MEF2A: variants seen among roughly 807,000 people sequenced by gnomAD.
The protein encoded by MEF2A is myocyte-specific enhancer factor 2A.
MEF2A carries 28 observed loss-of-function variants against 55.8 expected under a neutral mutation model. The observed-to-expected ratio is 0.50, with a 90% CI of 0.37 to 0.69. The LOEUF is 0.69. Among genes scored for constraint, MEF2A ranks in the 30% least tolerant of loss-of-function variants. MEF2A has a pLI of 0.00. For synonymous variants in MEF2A, 239 were observed against 227.1 expected, an observed-to-expected ratio of 1.05 and a Z score of -0.47; for missense variants, 528 against 626.2, an observed-to-expected ratio of 0.84 and a Z score of 1.67.
At chr15:99,679,690 C>T (rs982224479) in intron 7 of MEF2A, among the ~76,000 whole-genome samples, 1 of 152,082 alleles carries the variant, frequency 6.6e-6, no homozygotes, top group Non-Finnish European at 1.5e-5. Flanking sequence ...ATGGTGGTTA[C>T]GTGGATCTTC....
Position 99,629,896 on chromosome 15 carries a change from C to T in MEF2A, c.-142-3082C>T, listed in dbSNP as rs567894451. 4.0e-5 allele frequency among the ~76,000 whole-genome samples: 6 copies of T among 151,860 alleles called. No individual in the cohort carries two copies. The South Asian group carries it at 1.2e-3, about 32-fold the overall frequency. On this transcript the variant is annotated intron_variant, in intron 2 of 11. Transcript: ENST00000557942. Reference sequence around the variant, plus strand: ...CGGAAGTTGCAGTGAGCCGAGATCACGCCACTGCACTCCAGCCTGGGTGAC... The same window carrying T: ...CGGAAGTTGCAGTGAGCCGAGATCATGCCACTGCACTCCAGCCTGGGTGAC...
chr15:99,704,505 A>T (rs1429070065), intron 9 of MEF2A, among the ~76,000 whole-genome samples: 1 of 152,250 alleles, frequency 6.6e-6, no homozygotes, highest in African/African-American at 2.4e-5. Flanking sequence ...GTTAGACCTC[A>T]CTGTTCAAGG....
chr15:99,654,572 T>TA (rs975779378), intron 4 of MEF2A, among the ~76,000 whole-genome samples: 8 of 124,150 alleles, frequency 6.4e-5, no homozygotes, highest in South Asian at 2.7e-4. Flanking sequence ...AAAAATAAAT[T>TA]AAAAAAAAAG....
At chr15:99,625,804 C>T (rs1035630266) in intron 2 of MEF2A, among the ~76,000 whole-genome samples, 13 of 151,894 alleles carry the variant, frequency 8.6e-5, no homozygotes, top group East Asian at 1.9e-4. Context: ...AACATCCTTG[C>T]GTTGCAGGAA....
intron 2 of MEF2A, among the ~76,000 whole-genome samples, chr15:99,616,558 A>C (rs771187409): frequency 6.6e-6 from 1 of 152,240 alleles, no homozygotes; most frequent in Non-Finnish European, 1.5e-5. Context: ...ACTAAAAATT[A>C]ATAAGAGGCA....
intron 7 of MEF2A, 35 bp from the exon 8 acceptor site, chr15:99,690,206 C>T (rs771454507): frequency 6.3e-7 from 1 of 1,590,236 alleles, no homozygotes; most frequent in South Asian, 1.1e-5. Flanking sequence ...TTTAATAACT[C>T]TTCTCACTTT....
At chr15:99,657,538 G>A (rs573781499) in intron 4 of MEF2A, 3 of 151,834 alleles carry the variant, frequency 2.0e-5, no homozygotes, top group Admixed American at 6.6e-5. Flanking sequence ...TTTAAGAGAA[G>A]GTAAGAACAT....
chr15:99,619,876 T>G (rs1236772890), intron 2 of MEF2A, among the ~76,000 whole-genome samples: 1 of 152,240 alleles, frequency 6.6e-6, no homozygotes, highest in African/African-American at 2.4e-5. Context: ...ATGTAGGTTT[T>G]CTCACTTGGC....
At chr15:99,694,985 T>G (rs1010843404) in intron 8 of MEF2A, among the ~76,000 whole-genome samples, 1 of 29,616 alleles carries the variant, frequency 3.4e-5, no homozygotes, top group Admixed American at 5.7e-4. Context: ...TTTGTGGGTT[T>G]TTTTTTTTTC....
intron 1 of MEF2A, among the ~76,000 whole-genome samples, chr15:99,566,834 C>A (rs950167296): frequency 3.3e-5 from 5 of 151,930 alleles, no homozygotes; most frequent in African/African-American, 9.7e-5. Flanking sequence ...CGGTTGCGGA[C>A]GCCCGATCGT....
At chr15:99,623,878 G>T (rs1430290144) in intron 2 of MEF2A, among the ~76,000 whole-genome samples, 1 of 151,556 alleles carries the variant, frequency 6.6e-6, no homozygotes, top group Non-Finnish European at 1.5e-5. Flanking sequence ...TGCGATCATG[G>T]CTCACTGCAA....
chr15:99,583,726 A>T (rs1022330318), intron 1 of MEF2A, among the ~76,000 whole-genome samples: 4 of 152,134 alleles, frequency 2.6e-5, no homozygotes, highest in African/African-American at 9.7e-5. Context: ...TATTAGCCTT[A>T]ATATTTATTA....
chr15:99,599,649 A>T (rs990546556), intron 2 of MEF2A, among the ~76,000 whole-genome samples: 3 of 152,168 alleles, frequency 2.0e-5, no homozygotes, highest in African/African-American at 7.2e-5. Flanking sequence ...TGTTTATCCA[A>T]CTGATGCAAA....
intron 4 of MEF2A, among the ~76,000 whole-genome samples, chr15:99,646,707 T>A (rs532569042): frequency 6.6e-6 from 1 of 152,260 alleles, no homozygotes; most frequent in African/African-American, 2.4e-5. Context: ...TTTTGTTGTA[T>A]AGGAATCTAA....
intron 2 of MEF2A, among the ~76,000 whole-genome samples, chr15:99,612,290 G>C (rs747706869): frequency 2.6e-5 from 4 of 151,852 alleles, no homozygotes; most frequent in Non-Finnish European, 1.5e-5. Context: ...GGTGGTGGGC[G>C]TCTGTAGACC....
At chr15:99,659,048 A>G (rs1158541469) in intron 4 of MEF2A, among the ~76,000 whole-genome samples, 1 of 152,140 alleles carries the variant, frequency 6.6e-6, no homozygotes, top group African/African-American at 2.4e-5. Flanking sequence ...AAATTAAGGT[A>G]TTTATTCAGT....
intron 2 of MEF2A, among the ~76,000 whole-genome samples, chr15:99,611,235 C>G (rs1977176885): frequency 6.6e-6 from 1 of 152,188 alleles, no homozygotes; most frequent in African/African-American, 2.4e-5. Context: ...GAACGAGACT[C>G]TGTCTCAAAA....
At chr15:99,676,663 C>T (rs1325836149) in intron 7 of MEF2A, among the ~76,000 whole-genome samples, 5 of 151,902 alleles carry the variant, frequency 3.3e-5, no homozygotes, top group Non-Finnish European at 7.4e-5. Flanking sequence ...AACTTCACCT[C>T]CCGGGTTCAC....
At chr15:99,662,006 G>A (rs7496677) in intron 4 of MEF2A, among the ~76,000 whole-genome samples, 98,944 of 152,064 alleles carry the variant, frequency 0.65, 35,321 homozygotes, top group Middle Eastern at 0.86. Context: ...CAGTGTTAAT[G>A]CTGAATAGTG....
Sources: allele counts gnomAD v4.1 joint callset (sites outside exome capture counted in the v4.1 genomes callset), GRCh38; gene constraint gnomAD v4.1.1; transcripts MANE v1.5; gene names NCBI Gene and HGNC (gene_info 2026-07-23, HGNC 2026-07-21).